The following RBFOX1 variants were observed in gnomAD, a reference collection of about 807,000 sequenced individuals.
RBFOX1 encodes the protein RNA binding fox-1 homolog 1, also known as RNA binding protein fox-1 homolog 1.
In RBFOX1, 8 loss-of-function variants were observed where a neutral mutation model predicts 57.7. The ratio of observed to expected loss-of-function variants is 0.14; its 90% CI spans 0.08 to 0.25. RBFOX1 has a LOEUF of 0.25. Among genes scored for constraint, RBFOX1 ranks in the 10% least tolerant of loss-of-function variants. The pLI is 1.00. For synonymous variants in RBFOX1, 326 were observed against 222.4 expected (o/e 1.47, Z -4.15); for missense variants, 611 against 548.5 (o/e 1.11, Z -1.14).
intron 2 of RBFOX1, among the ~76,000 whole-genome samples, chr16:6,652,816 C>A (rs79502208): frequency 0.014 from 2,157 of 152,032 alleles, 58 homozygotes; most frequent in African/African-American, 0.048. Flanking sequence ...TGAAAAAATT[C>A]TGGAGATGGA....
rs17139723 is a variant in RBFOX1 at position 6,265,136 on chromosome 16, A to G, written c.-126-51859A>G. ...AGACAGTTATCTGGGGCTATTTTCT[A>G]GATGTTAGACACGAGGAAACCTGAA... is the stretch of plus-strand genomic sequence containing the variant. On this transcript the variant is annotated intron_variant, in intron 1 of 15. Coordinates refer to ENST00000550418, the MANE Select transcript of RBFOX1 (RefSeq NM_018723.4). Among the ~76,000 whole-genome samples the G allele has an allele frequency of 7.6e-3, 1,162 of 152,206 alleles. 13 individuals carry two copies. The highest frequency in any genetic ancestry group is 0.026 in the African/African-American group (1,066 of 41,518).
chr16:6,505,135 C>A (rs375725232), intron 2 of RBFOX1, among the ~76,000 whole-genome samples: 67 of 152,066 alleles, frequency 4.4e-4, no homozygotes, highest in African/African-American at 1.6e-3. Context: ...TTTCCTTCAC[C>A]AGACTTGGGG....
intron 1 of RBFOX1, among the ~76,000 whole-genome samples, chr16:5,307,130 C>A (rs959388913): frequency 6.6e-6 from 1 of 152,146 alleles, no homozygotes; most frequent in African/African-American, 2.4e-5. Flanking sequence ...TGGGGCTTAG[C>A]AATGGAGTTG....
chr16:6,686,129 C>A (rs550523755), intron 3 of RBFOX1, among the ~76,000 whole-genome samples: 1 of 152,316 alleles, frequency 6.6e-6, no homozygotes, highest in East Asian at 1.9e-4. Flanking sequence ...TGGGGACTAT[C>A]ATTTCTTCTA....
chr16:7,042,718 G>C lies in RBFOX1; in HGVS notation c.-15-9339G>C, dbSNP rs150793774. Among the ~76,000 whole-genome samples the C allele has an allele frequency of 4.4e-3, 663 of 152,276 alleles. 4 individuals carry two copies. Among genetic ancestry groups the C allele is most frequent in the African/African-American group, 0.015 (625 of 41,554 alleles). On this transcript the variant is annotated intron_variant, in intron 3 of 15. Transcript: ENST00000550418. ...AGGCGGGCGGATCATTTGAGGTCAG[G>C]AGTTCAAGACCAGCCTGGCCAACAT... is the stretch of plus-strand genomic sequence containing the variant.
At chr16:5,670,694 C>T (rs776589027) in intron 3 of RBFOX1, among the ~76,000 whole-genome samples, 5 of 152,212 alleles carry the variant, frequency 3.3e-5, no homozygotes, top group Non-Finnish European at 5.9e-5. Context: ...CAGGGTTATC[C>T]TTCTTACTAG....
At chr16:6,134,899 G>T (rs993389439) in intron 1 of RBFOX1, among the ~76,000 whole-genome samples, 1 of 152,002 alleles carries the variant, frequency 6.6e-6, no homozygotes, top group Non-Finnish European at 1.5e-5. Context: ...CAACGTGCAG[G>T]GTTGTTACAT....
At chr16:7,293,845 C>T (rs911677191) in intron 4 of RBFOX1, among the ~76,000 whole-genome samples, 1 of 152,098 alleles carries the variant, frequency 6.6e-6, no homozygotes, top group Non-Finnish European at 1.5e-5. Context: ...TGCAATGATG[C>T]CAGGGACTAA....
intron 1 of RBFOX1, among the ~76,000 whole-genome samples, chr16:5,290,704 T>C (rs1250694619): frequency 6.7e-6 from 1 of 149,930 alleles, no homozygotes; most frequent in Non-Finnish European, 1.5e-5. Flanking sequence ...TAAGGGACTT[T>C]TTTTTTTTTT....
At chr16:7,584,814 G>T (rs767339609) in intron 6 of RBFOX1, among the ~76,000 whole-genome samples, 3 of 152,174 alleles carry the variant, frequency 2.0e-5, no homozygotes, top group Non-Finnish European at 4.4e-5. Flanking sequence ...TCTTGGAAAT[G>T]GGGCTTACAT....
chr16:5,776,789 G>A (rs149457512), intron 3 of RBFOX1, among the ~76,000 whole-genome samples: 55 of 152,272 alleles, frequency 3.6e-4, no homozygotes, highest in African/African-American at 1.3e-3. Context: ...GTATGAAGAT[G>A]TGTCTACTTT....
chr16:6,609,444 C>G (rs1446962356), intron 2 of RBFOX1, among the ~76,000 whole-genome samples: 2 of 152,182 alleles, frequency 1.3e-5, no homozygotes, highest in East Asian at 3.9e-4. Context: ...GCCTCCCAGG[C>G]TCAATCCTCC....
intron 3 of RBFOX1, among the ~76,000 whole-genome samples, chr16:5,781,360 C>T (rs1056912680): frequency 6.6e-6 from 1 of 152,170 alleles, no homozygotes; most frequent in African/African-American, 2.4e-5. Context: ...GAGTGAGCTT[C>T]TCAATGGATT....
At chr16:6,197,784 C>T (rs1355708788) in intron 1 of RBFOX1, among the ~76,000 whole-genome samples, 2 of 152,026 alleles carry the variant, frequency 1.3e-5, no homozygotes, top group Non-Finnish European at 2.9e-5. Context: ...TTCTGCTCCT[C>T]TCCCTCCTCC....
chr16:5,768,726 A>G (rs1022337546), intron 3 of RBFOX1, among the ~76,000 whole-genome samples: 1 of 152,120 alleles, frequency 6.6e-6, no homozygotes, highest in Admixed American at 6.5e-5. Context: ...TGCTGTTGAA[A>G]CAGGAGGTCA....
intron 4 of RBFOX1, among the ~76,000 whole-genome samples, chr16:7,505,586 G>GA (rs1020976429): frequency 6.6e-6 from 1 of 152,214 alleles, no homozygotes; most frequent in South Asian, 2.1e-4. Flanking sequence ...AAAGAGTTGA[G>GA]AAAAACAGCC....
chr16:6,543,050 A>C (rs2096845788), intron 2 of RBFOX1, among the ~76,000 whole-genome samples: 1 of 152,090 alleles, frequency 6.6e-6, no homozygotes. Context: ...GGCAGTAATC[A>C]CATCCAAGCC....
chr16:7,056,686 CAT>C (rs2153739789), intron 4 of RBFOX1, among the ~76,000 whole-genome samples: 1 of 152,242 alleles, frequency 6.6e-6, no homozygotes, highest in East Asian at 1.9e-4. Flanking sequence ...TCTGAGCACT[CAT>C]AAAATATTTG....
chr16:5,292,279 A>G (rs1294101900), intron 1 of RBFOX1, among the ~76,000 whole-genome samples: 1 of 152,240 alleles, frequency 6.6e-6, no homozygotes, highest in African/African-American at 2.4e-5. Flanking sequence ...AGATCCCAGC[A>G]ACAAGCACAT....
Sources: gnomAD v4.1 joint callset for allele counts (sites outside exome capture counted in the v4.1 genomes callset) on GRCh38, gnomAD v4.1.1 for gene constraint, MANE v1.5 for transcripts, NCBI Gene and HGNC (gene_info 2026-07-23, HGNC 2026-07-21) for gene names.